LRFN2: variants seen among roughly 807,000 people sequenced by gnomAD.
LRFN2 encodes leucine rich repeat and fibronectin type III domain containing 2.
A neutral mutation model predicts 37.3 loss-of-function variants in LRFN2; 18 were observed. The ratio of observed to expected loss-of-function variants is 0.48; its 90% CI spans 0.33 to 0.72. The LOEUF (loss-of-function observed/expected upper bound fraction) is 0.72, where lower values mean the gene tolerates loss of function less well. LRFN2 is among the 30% of genes least tolerant of loss of function. LRFN2 has a pLI of 0.02. For synonymous variants in LRFN2, 556 were observed against 466.6 expected (o/e 1.19, Z -2.47); for missense variants, 1,006 against 1,060.7 (o/e 0.95, Z 0.72).
intron 1 of LRFN2, among the ~76,000 whole-genome samples, chr6:40,453,394 G>C (rs1040509295): frequency 6.6e-6 from 1 of 151,624 alleles, no homozygotes; most frequent in Non-Finnish European, 1.5e-5. Flanking sequence ...AGGATCCTAA[G>C]CATCCATGTA....
intron 1 of LRFN2, among the ~76,000 whole-genome samples, chr6:40,483,814 G>C (rs1764888823): frequency 6.6e-6 from 1 of 152,136 alleles, no homozygotes; most frequent in Admixed American, 6.5e-5. Flanking sequence ...GACAGGTTCT[G>C]ACATTATATC....
rs1366374446 is a variant in LRFN2 at position 40,392,580 on chromosome 6, T to A, written c.1733A>T (p.Gln578Leu). Residue 578 changes from glutamine (Q) to leucine (L), a missense_variant, in exon 3 of 3, where the codon CAG (glutamine) becomes CTG (leucine). Around this residue, in one of 4 missense-constraint regions of LRFN2, gnomAD observed 398 missense variants for 327.6 expected, o/e 1.21. Transcript: ENST00000338305. This position sits in a 1 kb window ranked among gnomAD's most constrained non-coding sequence, Gnocchi z 4.7. ...MAAAVSNVYS[Q>L]TNGAQPPPPS... ...AGGCGGTGGCTGGGCGCCGTTGGTC[T>A]GCGAGTACACATTGCTCACGGCCGC... is the stretch of plus-strand genomic sequence containing the variant. The A allele has an allele frequency of 6.2e-7, 1 of 1,607,172 alleles. No individual in the cohort carries two copies. Among genetic ancestry groups the A allele is most frequent in the Non-Finnish European group, 8.5e-7 (1 of 1,179,784 alleles).
At chr6:40,478,442 G>A (rs1450776602) in intron 1 of LRFN2, among the ~76,000 whole-genome samples, 1 of 152,202 alleles carries the variant, frequency 6.6e-6, no homozygotes, top group African/African-American at 2.4e-5. Context: ...AGCCCCGTAA[G>A]TACAATTAGT....
At chr6:40,507,851 C>T (rs1034901680) in intron 1 of LRFN2, among the ~76,000 whole-genome samples, 1 of 152,208 alleles carries the variant, frequency 6.6e-6, no homozygotes, top group Non-Finnish European at 1.5e-5. Context: ...AGCCAAAACT[C>T]AGAGACAAGC....
At chr6:40,581,442 C>T (rs1767399979) in intron 1 of LRFN2, among the ~76,000 whole-genome samples, 1 of 152,190 alleles carries the variant, frequency 6.6e-6, no homozygotes, top group African/African-American at 2.4e-5. Context: ...CTAGGTTCCG[C>T]TGCACCCCAG....
chr6:40,586,784 A>C (rs905096749), intron 1 of LRFN2, among the ~76,000 whole-genome samples, 157 bp downstream of exon 1: 33 of 152,348 alleles, frequency 2.2e-4, no homozygotes, highest in African/African-American at 7.9e-4. Context: ...GGGCGAAAAG[A>C]GAAGGGGGTG....
chr6:40,493,858 A>G (rs1398993595), intron 1 of LRFN2, among the ~76,000 whole-genome samples: 1 of 152,148 alleles, frequency 6.6e-6, no homozygotes. Context: ...GTTACAATTG[A>G]TCTCTGTACC....
chr6:40,537,409 AG>A (rs1262879528), intron 1 of LRFN2, among the ~76,000 whole-genome samples: 3 of 152,208 alleles, frequency 2.0e-5, no homozygotes, highest in Admixed American at 6.5e-5. Context: ...TGCCCCCACC[AG>A]TCACAACCAA....
At chr6:40,540,962 C>A (rs914078563) in intron 1 of LRFN2, among the ~76,000 whole-genome samples, 10 of 152,192 alleles carry the variant, frequency 6.6e-5, no homozygotes, top group African/African-American at 2.4e-4. Context: ...ATGAGATGTG[C>A]CCCCGGCAAA....
rs1056085715 is a variant in LRFN2 at position 40,412,230 on chromosome 6, G to A, written c.1401-19318C>T. 3.3e-5 allele frequency among the ~76,000 whole-genome samples: 5 copies of A among 152,010 alleles called. No individual in the cohort carries two copies. The East Asian group carries it at 5.8e-4, about 18-fold the overall frequency. ...GGAGGGGTCCTGATAAACACTTCCC[G>A]CCCCACTCCCACTCCACACCTTACA... On this transcript the variant is annotated intron_variant, in intron 2 of 2. Coordinates refer to ENST00000338305, the MANE Select transcript of LRFN2 (RefSeq NM_020737.3).
At chr6:40,575,920 G>T (rs1479708590) in intron 1 of LRFN2, among the ~76,000 whole-genome samples, 1 of 152,144 alleles carries the variant, frequency 6.6e-6, no homozygotes, top group African/African-American at 2.4e-5. Context: ...AATACCTACT[G>T]CACAGAATGA....
At chr6:40,580,324 C>T (rs544514323) in intron 1 of LRFN2, among the ~76,000 whole-genome samples, 2 of 152,310 alleles carry the variant, frequency 1.3e-5, no homozygotes, top group South Asian at 4.2e-4. Flanking sequence ...GACACGATCA[C>T]CAAGAAGCGG....
intron 1 of LRFN2, among the ~76,000 whole-genome samples, chr6:40,538,328 GC>G (rs1478173566): frequency 6.6e-6 from 1 of 152,028 alleles, no homozygotes; most frequent in Admixed American, 6.5e-5. Context: ...CTGTGTAGCA[GC>G]CCCCCTTCTC....
At chr6:40,538,881 T>G (rs1394551908) in intron 1 of LRFN2, among the ~76,000 whole-genome samples, 1 of 152,248 alleles carries the variant, frequency 6.6e-6, no homozygotes. Flanking sequence ...AATTTGTATT[T>G]TTAGAAATAT....
chr6:40,444,986 C>T (rs1036844024), intron 1 of LRFN2, among the ~76,000 whole-genome samples: 3 of 152,010 alleles, frequency 2.0e-5, no homozygotes, highest in Admixed American at 6.6e-5. Flanking sequence ...AGCCCTCCCT[C>T]CTTCCTGCAC....
intron 1 of LRFN2, among the ~76,000 whole-genome samples, chr6:40,498,443 C>T (rs1349334483): frequency 6.6e-6 from 1 of 152,174 alleles, no homozygotes; most frequent in African/African-American, 2.4e-5. Context: ...TATCCCTAGA[C>T]ATTTATTGGA....
intron 1 of LRFN2, among the ~76,000 whole-genome samples, chr6:40,486,578 T>C (rs1295907463): frequency 6.6e-6 from 1 of 152,142 alleles, no homozygotes; most frequent in African/African-American, 2.4e-5. Flanking sequence ...TGCTGGGCAC[T>C]TCTCTGGGTG....
chr6:40,568,427 G>A (rs1767128624), intron 1 of LRFN2, among the ~76,000 whole-genome samples: 1 of 152,184 alleles, frequency 6.6e-6, no homozygotes, highest in South Asian at 2.1e-4. Flanking sequence ...CGGTTCTCAG[G>A]TTTTATCAAC....
At chr6:40,399,669 C>T (rs1332452077) in intron 2 of LRFN2, among the ~76,000 whole-genome samples, 1 of 151,514 alleles carries the variant, frequency 6.6e-6, no homozygotes, top group Non-Finnish European at 1.5e-5. Context: ...AACTCTTGAG[C>T]TCAGACCATC....
Sources: gnomAD v4.1 joint callset for allele counts (sites outside exome capture counted in the v4.1 genomes callset) on GRCh38, gnomAD v4.1.1 for gene constraint, gnomAD v4.1.1 regional missense constraint, Gnocchi (gnomAD v3.1) non-coding constraint, MANE v1.5 for transcripts, NCBI Gene and HGNC (gene_info 2026-07-23, HGNC 2026-07-21) for gene names.